Variants in PCDH11X observed in about 807,000 individuals in gnomAD.
The protein encoded by PCDH11X is protocadherin 11 X-linked, also known as protocadherin-11 X-linked.
Under a neutral mutation model 53.3 loss-of-function variants are expected in PCDH11X, and 18 were observed. The observed-to-expected ratio is 0.34, with a 90% confidence interval of 0.23 to 0.50. The LOEUF is 0.50. PCDH11X is among the 20% of genes least tolerant of loss of function. The pLI, the probability that PCDH11X is intolerant of heterozygous loss-of-function variation, is 0.98. For missense variants in PCDH11X, 570 were observed against 1,032.4 expected, an observed-to-expected ratio of 0.55 and a Z score of 6.14; for synonymous variants, 279 against 393.3, an observed-to-expected ratio of 0.71 and a Z score of 3.44.
intron 5 of PCDH11X, among the ~76,000 whole-genome samples, chrX:91,840,111 G>A (rs1381018447): frequency 9.0e-6 from 1 of 111,088 alleles, no homozygotes; most frequent in African/African-American, 3.3e-5. Context: ...CAAGCACCCA[G>A]TCTGACTCAG....
At chrX:92,041,731 G>C (rs1201976161) in intron 6 of PCDH11X, among the ~76,000 whole-genome samples, 2 of 111,994 alleles carry the variant, frequency 1.8e-5, no homozygotes, top group Non-Finnish European at 3.8e-5. Flanking sequence ...CAGCACTTTG[G>C]GAGGCTGAGG....
At chrX:92,186,319 G>A (rs985642223) in intron 6 of PCDH11X, among the ~76,000 whole-genome samples, 3 of 111,876 alleles carry the variant, frequency 2.7e-5, no homozygotes, top group Non-Finnish European at 3.8e-5. Context: ...AGTTGATCTC[G>A]TAGAAGTAGA....
chrX:92,465,062 G>C (rs1159300090), intron 9 of PCDH11X, among the ~76,000 whole-genome samples: 1 of 110,773 alleles, frequency 9.0e-6, no homozygotes, highest in Non-Finnish European at 1.9e-5. Flanking sequence ...TGGGATGACT[G>C]CTAGAGCCCA....
At chrX:92,041,898 G>T (rs2148031783) in intron 6 of PCDH11X, among the ~76,000 whole-genome samples, 1 of 112,051 alleles carries the variant, frequency 8.9e-6, no homozygotes, top group African/African-American at 3.2e-5. Flanking sequence ...GAACCCAGGA[G>T]GTGGAGGTTG....
chrX:92,382,524 T>TGAAATG (rs2070900394), intron 8 of PCDH11X, among the ~76,000 whole-genome samples: 1 of 111,370 alleles, frequency 9.0e-6, no homozygotes, highest in Non-Finnish European at 1.9e-5. Flanking sequence ...ATAATTACTA[T>TGAAATG]GAAATGATGC....
At chrX:92,340,021 C>A (rs2069714970) in intron 8 of PCDH11X, among the ~76,000 whole-genome samples, 1 of 111,732 alleles carries the variant, frequency 8.9e-6, no homozygotes, top group Non-Finnish European at 1.9e-5. Context: ...ATGGAAAAAC[C>A]AGCATTGGGT....
chrX:92,504,295 A>T (rs1439326153), intron 10 of PCDH11X, among the ~76,000 whole-genome samples: 2 of 105,402 alleles, frequency 1.9e-5, no homozygotes, highest in Non-Finnish European at 3.9e-5. Flanking sequence ...CCTGGTGTCT[A>T]TTGTTCCCTT....
At chrX:92,333,893 A>G (rs1464618005) in intron 8 of PCDH11X, among the ~76,000 whole-genome samples, 2 of 109,349 alleles carry the variant, frequency 1.8e-5, no homozygotes, top group African/African-American at 6.7e-5. Context: ...GATCTACTTT[A>G]ACTTTGTGCT....
intron 8 of PCDH11X, among the ~76,000 whole-genome samples, chrX:92,333,690 G>T (rs2069546743): frequency 9.0e-6 from 1 of 110,587 alleles, no homozygotes; most frequent in African/African-American, 3.3e-5. Flanking sequence ...TGCCTAATTT[G>T]GTTTATATAC....
At chrX:91,966,258 T>C (rs952796736) in intron 6 of PCDH11X, among the ~76,000 whole-genome samples, 6 of 110,542 alleles carry the variant, frequency 5.4e-5, no homozygotes, top group Non-Finnish European at 7.6e-5. Flanking sequence ...AATATCTATG[T>C]TTACCCAAAA....
At chrX:92,237,340 A>G (rs1326124783) in intron 7 of PCDH11X, among the ~76,000 whole-genome samples, 1 of 110,700 alleles carries the variant, frequency 9.0e-6, no homozygotes, top group Non-Finnish European at 1.9e-5. Context: ...TTGAAATTTC[A>G]TATCTGCTAA....
chrX:92,569,828 C>T (rs1460058514), intron 10 of PCDH11X: 1 of 135,472 alleles, frequency 7.4e-6, no homozygotes, highest in African/African-American at 3.3e-5. Flanking sequence ...CCAGCCTGAA[C>T]AACATGGTGA....
intron 6 of PCDH11X, among the ~76,000 whole-genome samples, chrX:92,048,344 T>G (rs1180281068): frequency 1.8e-5 from 2 of 110,269 alleles, no homozygotes; most frequent in African/African-American, 6.6e-5. Flanking sequence ...TATTTAAAAC[T>G]TTGAGACGAA....
chrX:92,294,764 A>G lies in PCDH11X; in HGVS notation c.3144+31621A>G, dbSNP rs369873343. On this transcript the variant is annotated intron_variant, in intron 8 of 10. Transcript: ENST00000682573. ...AGGGTTTCACTTGTAAAATAAAAGCATCTTCTCAGAGAACTGCTGTTTGGA... is the reference window on the plus strand; with the variant it reads ...AGGGTTTCACTTGTAAAATAAAAGCGTCTTCTCAGAGAACTGCTGTTTGGA... Among the ~76,000 whole-genome samples, 74 of 109,283 alleles carry G rather than the reference A, an allele frequency of 6.8e-4. 3 individuals are homozygous for G. In the East Asian group the frequency reaches 0.011, roughly 16 times the overall value. The allele number at this position is 109,283 out of a possible 115,157, so 94.9% of individuals were successfully genotyped here.
intron 6 of PCDH11X, among the ~76,000 whole-genome samples, chrX:92,050,761 C>T (rs769871820): frequency 1.8e-5 from 2 of 109,841 alleles, no homozygotes; most frequent in African/African-American, 6.6e-5. Context: ...ACGAATAATA[C>T]ATATTTTTAA....
chrX:92,375,874 G>A (rs546578872), intron 8 of PCDH11X, among the ~76,000 whole-genome samples: 4 of 111,867 alleles, frequency 3.6e-5, no homozygotes, highest in South Asian at 7.4e-4. Flanking sequence ...CACCCTCCTC[G>A]GCCTCCCAAA....
At chrX:92,356,877 C>T (rs911581759) in intron 8 of PCDH11X, among the ~76,000 whole-genome samples, 21 of 109,856 alleles carry the variant, frequency 1.9e-4, no homozygotes, top group African/African-American at 6.0e-4. Context: ...AGATGGGCCA[C>T]GTAAAATTGT....
At chrX:92,082,115 A>G (rs2063866735) in intron 6 of PCDH11X, among the ~76,000 whole-genome samples, 1 of 111,407 alleles carries the variant, frequency 9.0e-6, no homozygotes, top group South Asian at 3.8e-4. Context: ...GCCAAGACCG[A>G]AACCCAGGCC....
intron 10 of PCDH11X, among the ~76,000 whole-genome samples, chrX:92,506,226 T>TC (rs1401907243): frequency 1.1e-5 from 1 of 89,430 alleles, no homozygotes; most frequent in East Asian, 3.3e-4. Flanking sequence ...CTTTTTTTTT[T>TC]TTTTTTTTTT....
Sources: gnomAD v4.1 joint callset for allele counts (sites outside exome capture counted in the v4.1 genomes callset) on GRCh38, gnomAD v4.1.1 for gene constraint, MANE v1.5 for transcripts, NCBI Gene and HGNC (gene_info 2026-07-23, HGNC 2026-07-21) for gene names.